The following VCPIP1 variants were observed in gnomAD, a reference collection of about 807,000 sequenced individuals.
VCPIP1 encodes valosin containing protein interacting protein 1, also known as deubiquitinating protein VCPIP1.
In VCPIP1, 8 loss-of-function variants were observed where a neutral mutation model predicts 85.0. The observed-to-expected ratio is 0.09, with a 90% CI of 0.06 to 0.17. VCPIP1 has a LOEUF of 0.17. VCPIP1 is among the 10% of genes least tolerant of loss of function. The probability of loss-of-function intolerance (pLI) is 1.00; values close to 1 mark genes in which losing one functional copy is unlikely to be tolerated. For synonymous variants in VCPIP1, 543 were observed against 544.5 expected, an observed-to-expected ratio of 1.00 and a Z score of 0.04; for missense variants, 1,070 against 1,486.3, an observed-to-expected ratio of 0.72 and a Z score of 4.61.
At chr8:66,652,842 C>T (rs1811066858) in intron 1 of VCPIP1, among the ~76,000 whole-genome samples, 1 of 152,056 alleles carries the variant, frequency 6.6e-6, no homozygotes, top group African/African-American at 2.4e-5. Flanking sequence ...AGTTTACATT[C>T]TAATCTGCTA....
intron 2 of VCPIP1, among the ~76,000 whole-genome samples, chr8:66,641,343 G>C (rs2130153164): frequency 6.6e-6 from 1 of 152,160 alleles, no homozygotes; most frequent in South Asian, 2.1e-4. Flanking sequence ...CATTTTAAAT[G>C]TATAAACAAA....
intron 1 of VCPIP1, among the ~76,000 whole-genome samples, chr8:66,661,821 T>C (rs1323538831): frequency 1.3e-5 from 2 of 149,286 alleles, no homozygotes; most frequent in Non-Finnish European, 3.0e-5. Context: ...TGGAGTGCAG[T>C]GGCACGATCT....
At position 66,631,898 on chromosome 8, in the gene VCPIP1, T is replaced by C. The variant is rs1017105469; in HGVS notation, c.*2603A>G. On this transcript the variant is annotated 3_prime_UTR_variant, in exon 3 of 3. Coordinates refer to ENST00000310421, the MANE Select transcript of VCPIP1 (RefSeq NM_025054.5). Reference sequence around the variant, plus strand: ...TCTCATTACCAGTATTCTAGATACATACTATCTTCAACACTACCTGGACTT... The same window carrying C: ...TCTCATTACCAGTATTCTAGATACACACTATCTTCAACACTACCTGGACTT... The C allele has an allele frequency of 1.3e-5, 2 of 152,530 alleles. No homozygotes were observed. The highest frequency in any genetic ancestry group is 2.9e-5 in the Non-Finnish European group (2 of 67,942). 9.4% of individuals were successfully genotyped at this position (152,530 alleles called of 1,614,324 possible). A position where few individuals can be genotyped will look rare whatever the true frequency, so the allele number is the denominator to read the frequency against.
At chr8:66,644,863 T>C (rs1275032235) in intron 2 of VCPIP1, among the ~76,000 whole-genome samples, 2 of 151,866 alleles carry the variant, frequency 1.3e-5, no homozygotes, top group African/African-American at 2.4e-5. Flanking sequence ...TTTGGGAGGC[T>C]GAGGCGGGCG....
chr8:66,637,321 A>G (rs903153992), intron 2 of VCPIP1, among the ~76,000 whole-genome samples: 1 of 152,076 alleles, frequency 6.6e-6, no homozygotes, highest in Non-Finnish European at 1.5e-5. Flanking sequence ...CTGAACTCCA[A>G]CATGGGTGAT....
chr8:66,647,995 G>A (rs558107934), intron 2 of VCPIP1, among the ~76,000 whole-genome samples: 55 of 152,008 alleles, frequency 3.6e-4, no homozygotes, highest in Non-Finnish European at 7.5e-4. Context: ...TAGGGATGGG[G>A]TTTCATCATG....
At chr8:66,643,672 C>G (rs1256317957) in intron 2 of VCPIP1, among the ~76,000 whole-genome samples, 3 of 151,858 alleles carry the variant, frequency 2.0e-5, no homozygotes, top group African/African-American at 7.3e-5. Context: ...CACTGCACTC[C>G]AGCCCAGGCA....
chr8:66,649,281 C>A (rs554986435), intron 2 of VCPIP1, among the ~76,000 whole-genome samples: 1 of 151,868 alleles, frequency 6.6e-6, no homozygotes, highest in Non-Finnish European at 1.5e-5. Context: ...GAGGTCAAGG[C>A]GAGAGGATTG....
chr8:66,657,833 T>C (rs909467902), intron 1 of VCPIP1, among the ~76,000 whole-genome samples: 1 of 152,222 alleles, frequency 6.6e-6, no homozygotes, highest in African/African-American at 2.4e-5. Context: ...TCTATTATTA[T>C]CTAGATTTCC....
chr8:66,634,542 C>T lies in VCPIP1; in HGVS notation c.3628G>A (p.Ala1210Thr). 1 of 1,612,288 alleles carries T rather than the reference C, an allele frequency of 6.2e-7. No individual in the cohort carries two copies. The highest frequency in any genetic ancestry group is 8.5e-7 in the Non-Finnish European group (1 of 1,179,196). The change falls in exon 3 of 3, where the codon GCT becomes ACT. Residue 1210 changes from alanine to threonine, a missense_variant. By Grantham distance (58) the Ala-to-Thr change is moderately conservative. Around this residue, in one of 8 missense-constraint regions of VCPIP1, gnomAD observed 255 missense variants for 289.5 expected, o/e 0.88. Transcript: ENST00000310421. ...GGCTCAGTTGTGTTAGTCATCTCAGCATCTTGACTATCCATCTCTTCAAGC... is the reference window on the plus strand; with the variant it reads ...GGCTCAGTTGTGTTAGTCATCTCAGTATCTTGACTATCCATCTCTTCAAGC... ...EELEEMDSQD[A>T]EMTNTTEPMD...
At chr8:66,651,159 TG>T (rs1297180679) in intron 2 of VCPIP1, among the ~76,000 whole-genome samples, 1 of 134,380 alleles carries the variant, frequency 7.4e-6, no homozygotes, top group Non-Finnish European at 1.5e-5. Context: ...CACTCCAGCC[TG>T]GGCAACAAGA....
intron 2 of VCPIP1, among the ~76,000 whole-genome samples, chr8:66,638,936 T>TTCTCTCTCTCTCTCTC (rs750894538): frequency 1.9e-4 from 25 of 131,652 alleles, no homozygotes; most frequent in East Asian, 4.3e-4. Flanking sequence ...CAAGAAAACT[T>TTCTCTCTCTCTCTCTC]TCTCTCTCTC....
At chr8:66,638,962 C>CTATA (rs1305562313) in intron 2 of VCPIP1, among the ~76,000 whole-genome samples, 7 of 133,330 alleles carry the variant, frequency 5.3e-5, no homozygotes, top group African/African-American at 1.7e-4. Context: ...CTCTCTCTCT[C>CTATA]TCTCTCTCTA....
Position 66,631,181 on chromosome 8 carries a change from AT to A in VCPIP1, c.*3319del, listed in dbSNP as rs935844533. ...CCATAAAACTCAAAATCTGTGTAGTATTTTAAGTATGAACCAATTGAAATTA... is the reference window on the plus strand; with the variant it reads ...CCATAAAACTCAAAATCTGTGTAGTATTTAAGTATGAACCAATTGAAATTA... On this transcript the variant is annotated 3_prime_UTR_variant, in exon 3 of 3. Transcript: ENST00000310421. 3.9e-5 allele frequency: 6 copies of A among 152,268 alleles called. No homozygotes were observed. The highest frequency in any genetic ancestry group is 1.9e-4 in the East Asian group (1 of 5,188). The allele number at this position is 152,268 out of a possible 1,614,324, so 9.4% of individuals were successfully genotyped here.
intron 1 of VCPIP1, chr8:66,653,704 C>G (rs1201305827): frequency 6.6e-6 from 1 of 152,184 alleles, no homozygotes; most frequent in Non-Finnish European, 1.5e-5. Context: ...TTTAAACAGG[C>G]AAATCACTTA....
Position 66,630,990 on chromosome 8 carries a change from TATG to T in VCPIP1, c.*3508_*3510del, listed in dbSNP as rs1810829631. On this transcript the variant is annotated 3_prime_UTR_variant, in exon 3 of 3. Coordinates refer to ENST00000310421, the MANE Select transcript of VCPIP1 (RefSeq NM_025054.5). ...AAGGTTGTACAATTTTGTTAAATTA[TATG>T]ATAACCTTGAATGGTAGGATGCATT... is the stretch of plus-strand genomic sequence containing the variant. 6.6e-6 allele frequency: 1 copy of T among 152,268 alleles called. No homozygotes were observed. The highest frequency in any genetic ancestry group is 6.5e-5 in the Admixed American group (1 of 15,270). The allele number at this position is 152,268 out of a possible 1,614,324, so 9.4% of individuals were successfully genotyped here.
intron 1 of VCPIP1, among the ~76,000 whole-genome samples, chr8:66,657,471 TAA>T (rs1811112097): frequency 6.6e-6 from 1 of 152,192 alleles, no homozygotes; most frequent in African/African-American, 2.4e-5. Context: ...TCCTCACGTT[TAA>T]AAGTTTATCT....
At chr8:66,649,241 A>C (rs1811028825) in intron 2 of VCPIP1, among the ~76,000 whole-genome samples, 1 of 152,004 alleles carries the variant, frequency 6.6e-6, no homozygotes, top group African/African-American at 2.4e-5. Flanking sequence ...TCATGCTTGT[A>C]ATCTGTCGCT....
chr8:66,637,638 C>CA (rs1048191880), intron 2 of VCPIP1, among the ~76,000 whole-genome samples: 6 of 151,402 alleles, frequency 4.0e-5, no homozygotes, highest in Admixed American at 4.0e-4. Context: ...TTTTAAGAAG[C>CA]AAGGCACATT....
Sources: allele counts gnomAD v4.1 joint callset (sites outside exome capture counted in the v4.1 genomes callset), GRCh38; gene constraint gnomAD v4.1.1; regional missense constraint gnomAD v4.1.1; transcripts MANE v1.5; gene names NCBI Gene and HGNC (gene_info 2026-07-23, HGNC 2026-07-21).